Variants in ZBTB46 observed in about 807,000 individuals in gnomAD.
ZBTB46 encodes zinc finger and BTB domain-containing protein 46.
A neutral mutation model predicts 44.1 loss-of-function variants in ZBTB46; 8 were observed. That is an observed-to-expected ratio of 0.18 (90% CI 0.11 to 0.33). The LOEUF is 0.33. Ranked by LOEUF, ZBTB46 falls within the 10% of genes least tolerant of loss-of-function variation. The probability of loss-of-function intolerance (pLI) is 1.00; values close to 1 mark genes in which losing one functional copy is unlikely to be tolerated. For synonymous variants in ZBTB46, 409 were observed against 382.3 expected, an observed-to-expected ratio of 1.07 and a Z score of -0.81; for missense variants, 651 against 847.7, an observed-to-expected ratio of 0.77 and a Z score of 2.88.
intron 1 of ZBTB46, among the ~76,000 whole-genome samples, chr20:63,792,092 C>A (rs191169476): frequency 6.6e-6 from 1 of 152,294 alleles, no homozygotes; most frequent in East Asian, 1.9e-4. Flanking sequence ...CACAAGGACA[C>A]CAGTCGTCCG....
chr20:63,802,820 C>A (rs534719105), intron 1 of ZBTB46, among the ~76,000 whole-genome samples: 1 of 149,584 alleles, frequency 6.7e-6, no homozygotes, highest in South Asian at 2.2e-4. Context: ...GCCCCCAGCA[C>A]CCTCCCAGGA....
intron 3 of ZBTB46, among the ~76,000 whole-genome samples, chr20:63,758,658 G>C (rs182754119): frequency 1.3e-5 from 2 of 151,998 alleles, no homozygotes; most frequent in African/African-American, 4.8e-5. Flanking sequence ...ACGCGCACGG[G>C]CACTCACACA....
intron 2 of ZBTB46, among the ~76,000 whole-genome samples, chr20:63,778,782 T>A (rs1419495329): frequency 1.3e-5 from 2 of 152,268 alleles, no homozygotes; most frequent in African/African-American, 4.8e-5. Context: ...ATCATATTAA[T>A]TGTGCATTTC....
intron 1 of ZBTB46, among the ~76,000 whole-genome samples, chr20:63,820,049 A>G (rs2092782469): frequency 6.6e-6 from 1 of 152,244 alleles, no homozygotes; most frequent in Middle Eastern, 3.2e-3. Context: ...TTAGCAACGT[A>G]TAACGAAGAA....
intron 4 of ZBTB46, among the ~76,000 whole-genome samples, chr20:63,747,545 T>TGAGCAGGGCCTGGTGGGGGGGGGGGGG (rs1568824166): frequency 2.4e-4 from 2 of 8,234 alleles, no homozygotes; most frequent in Admixed American, 1.3e-3. Context: ...GTGGGGGGGG[T>TGAGCAGGGCCTGGTGGGGGGGGGGGGG]GCGGGGGTGA....
intron 2 of ZBTB46, 58 bp from the exon 3 acceptor site, chr20:63,776,020 G>A (rs2092423151): frequency 6.7e-7 from 1 of 1,489,236 alleles, no homozygotes; most frequent in East Asian, 2.3e-5. Context: ...TCTCCAAGTG[G>A]GACAGGCGAC....
intron 1 of ZBTB46, among the ~76,000 whole-genome samples, chr20:63,830,595 G>A (rs1345089199): frequency 6.7e-6 from 1 of 150,144 alleles, no homozygotes; most frequent in Non-Finnish European, 1.5e-5. Context: ...CGGCGCGGGC[G>A]GCTCCGGGTG....
chr20:63,796,828 AAAAATAAAATAAAATAAAAAT>A (rs1169779887), intron 1 of ZBTB46, among the ~76,000 whole-genome samples: 1 of 152,084 alleles, frequency 6.6e-6, no homozygotes, highest in Non-Finnish European at 1.5e-5. Flanking sequence ...TCCATCTCAA[AAAAATAAAATAAAATAAAAAT>A]AAAATAAAAT....
chr20:63,831,681 G>A (rs2092853276), upstream of ZBTB46, among the ~76,000 whole-genome samples: 1 of 150,328 alleles, frequency 6.7e-6, no homozygotes, highest in Admixed American at 6.6e-5. Flanking sequence ...CACGGGAGCG[G>A]CGACCCCGGC....
intron 2 of ZBTB46, among the ~76,000 whole-genome samples, chr20:63,784,008 G>C (rs1421295668): frequency 6.6e-6 from 1 of 152,196 alleles, no homozygotes; most frequent in Non-Finnish European, 1.5e-5. Context: ...AGGAGTCCCT[G>C]CAGGGACGTA....
At chr20:63,788,922 G>A (rs1471960438) in intron 2 of ZBTB46, among the ~76,000 whole-genome samples, 1 of 145,368 alleles carries the variant, frequency 6.9e-6, no homozygotes, top group Non-Finnish European at 1.5e-5. Context: ...CACAACCTCC[G>A]CCTCCCAGGT....
intron 4 of ZBTB46, among the ~76,000 whole-genome samples, chr20:63,750,066 G>A (rs1053453363): frequency 1.3e-5 from 2 of 152,186 alleles, no homozygotes; most frequent in Admixed American, 1.3e-4. Flanking sequence ...AGCGGGTGGA[G>A]GGGCCACCCA....
chr20:63,780,078 C>T (rs1442899875), intron 2 of ZBTB46, among the ~76,000 whole-genome samples: 3 of 151,646 alleles, frequency 2.0e-5, no homozygotes, highest in African/African-American at 7.3e-5. Context: ...TGAGACTAGC[C>T]TGGCCAGCCC....
At chr20:63,809,325 C>T (rs932910547) in intron 1 of ZBTB46, among the ~76,000 whole-genome samples, 26 of 152,186 alleles carry the variant, frequency 1.7e-4, no homozygotes, top group African/African-American at 5.8e-4. Flanking sequence ...TCCTGGGGTT[C>T]GGCACAGGCC....
chr20:63,806,235 C>CTTAG (rs1244588121), intron 1 of ZBTB46, among the ~76,000 whole-genome samples: 4 of 146,480 alleles, frequency 2.7e-5, no homozygotes, highest in Non-Finnish European at 4.5e-5. Flanking sequence ...AACCCCGTCT[C>CTTAG]TACTAAAAGT....
upstream of ZBTB46, among the ~76,000 whole-genome samples, chr20:63,831,493 G>A (rs953233872): frequency 2.7e-5 from 4 of 146,312 alleles, no homozygotes; most frequent in Non-Finnish European, 4.6e-5. Flanking sequence ...GCCGCGCCGG[G>A]GGTCCGTTCT....
At chr20:63,810,910 C>G (rs1362474402) in intron 1 of ZBTB46, among the ~76,000 whole-genome samples, 2 of 152,236 alleles carry the variant, frequency 1.3e-5, no homozygotes, top group Non-Finnish European at 2.9e-5. Flanking sequence ...ACGAGGAGCT[C>G]CAGCAGCAGA....
intron 1 of ZBTB46, among the ~76,000 whole-genome samples, chr20:63,799,704 A>C (rs376595798): frequency 6.6e-5 from 10 of 152,158 alleles, no homozygotes; most frequent in Admixed American, 2.0e-4. Context: ...CACAAAGAAG[A>C]AGCATCAGCA....
chr20:63,800,592 G>A (rs932584719), intron 1 of ZBTB46, among the ~76,000 whole-genome samples: 5 of 152,364 alleles, frequency 3.3e-5, no homozygotes, highest in African/African-American at 1.2e-4. Context: ...CCGGGGCTGC[G>A]TGCGGCGCTT....
Sources: allele counts gnomAD v4.1 joint callset (sites outside exome capture counted in the v4.1 genomes callset), GRCh38; gene constraint gnomAD v4.1.1; transcripts MANE v1.5; gene names NCBI Gene and HGNC (gene_info 2026-07-23, HGNC 2026-07-21).